SUPT3H: variants seen among roughly 807,000 people sequenced by gnomAD.
SUPT3H encodes the protein SPT3 homolog, SAGA and STAGA complex component.
Under a neutral mutation model 44.3 loss-of-function variants are expected in SUPT3H, and 44 were observed. That is an observed-to-expected ratio of 0.99 (90% CI 0.78 to 1.28). The LOEUF (loss-of-function observed/expected upper bound fraction) is 1.28. SUPT3H is among the 50% of genes most tolerant of loss of function. The pLI is 0.00. For synonymous variants in SUPT3H, 124 were observed against 125.6 expected (o/e 0.99, Z 0.09); for missense variants, 380 against 387.1 (o/e 0.98, Z 0.15).
chr6:45,158,298 A>ATATATATATATAT, intron 2 of SUPT3H, among the ~76,000 whole-genome samples: 24 of 99,682 alleles, frequency 2.4e-4, no homozygotes, highest in African/African-American at 1.2e-3. Flanking sequence ...ATATATATAT[A>ATATATATATATAT]TTTTTTTTTT....
chr6:45,158,298 A>ATATATATT, intron 2 of SUPT3H, among the ~76,000 whole-genome samples: 8 of 99,688 alleles, frequency 8.0e-5, no homozygotes, highest in African/African-American at 4.0e-4. Context: ...ATATATATAT[A>ATATATATT]TTTTTTTTTT....
chr6:45,101,441 A>G (rs1798559727), intron 3 of SUPT3H, among the ~76,000 whole-genome samples: 1 of 152,206 alleles, frequency 6.6e-6, no homozygotes. Flanking sequence ...CAACAACAAC[A>G]AAAAGTTGAT....
At chr6:45,331,565 A>G (rs1787519165) in intron 2 of SUPT3H, among the ~76,000 whole-genome samples, 1 of 152,004 alleles carries the variant, frequency 6.6e-6, no homozygotes, top group African/African-American at 2.4e-5. Flanking sequence ...AAAGCTAAAA[A>G]TGTCAAAGTA....
At chr6:45,356,696 C>T (rs747641451) in intron 2 of SUPT3H, among the ~76,000 whole-genome samples, 1 of 151,864 alleles carries the variant, frequency 6.6e-6, no homozygotes, top group African/African-American at 2.4e-5. Context: ...TGAGCCACCT[C>T]GCCTGGCCCA....
intron 11 of SUPT3H, among the ~76,000 whole-genome samples, chr6:44,815,187 TTC>T (rs1491049486): frequency 6.6e-6 from 1 of 152,178 alleles, no homozygotes; most frequent in Non-Finnish European, 1.5e-5. Context: ...TTTCTGAGTC[TTC>T]TGAGTTTTTT....
At chr6:45,122,967 A>G (rs1801887067) in intron 2 of SUPT3H, among the ~76,000 whole-genome samples, 1 of 152,200 alleles carries the variant, frequency 6.6e-6, no homozygotes, top group African/African-American at 2.4e-5. Context: ...TACAACAGGT[A>G]AATATTCTAA....
chr6:45,306,876 C>T (rs1783112657), intron 2 of SUPT3H, among the ~76,000 whole-genome samples: 2 of 152,200 alleles, frequency 1.3e-5, no homozygotes, highest in Non-Finnish European at 2.9e-5. Flanking sequence ...CAGGGAATTC[C>T]CTTTCATGGC....
intron 2 of SUPT3H, among the ~76,000 whole-genome samples, chr6:45,272,036 A>G (rs929370213): frequency 6.6e-6 from 1 of 152,154 alleles, no homozygotes; most frequent in Non-Finnish European, 1.5e-5. Flanking sequence ...GTATTTACCC[A>G]ATGATGTACT....
At chr6:45,375,887 T>C (rs1332918231) in intron 1 of SUPT3H, among the ~76,000 whole-genome samples, 3 of 152,094 alleles carry the variant, frequency 2.0e-5, no homozygotes, top group Admixed American at 6.5e-5. Context: ...ATCTATTACC[T>C]AATTTCACTT....
At chr6:44,995,202 A>T (rs1781115311) in intron 6 of SUPT3H, among the ~76,000 whole-genome samples, 1 of 152,042 alleles carries the variant, frequency 6.6e-6, no homozygotes, top group Non-Finnish European at 1.5e-5. Context: ...ATATCTATTG[A>T]TATTTATTTA....
intron 2 of SUPT3H, among the ~76,000 whole-genome samples, chr6:45,175,344 T>TA (rs1811557855): frequency 6.6e-6 from 1 of 152,042 alleles, no homozygotes; most frequent in Non-Finnish European, 1.5e-5. Flanking sequence ...GCAGGAAACT[T>TA]ACAGTCACGG....
At chr6:45,352,135 T>C (rs1267461146) in intron 2 of SUPT3H, among the ~76,000 whole-genome samples, 1 of 152,186 alleles carries the variant, frequency 6.6e-6, no homozygotes, top group Non-Finnish European at 1.5e-5. Context: ...GCAAAAGAAG[T>C]GTACTGAACT....
intron 6 of SUPT3H, 96 bp downstream of exon 6, chr6:45,003,557 T>G: frequency 7.1e-7 from 1 of 1,416,250 alleles, no homozygotes; most frequent in Non-Finnish European, 9.5e-7. Flanking sequence ...ACTTAGAGAT[T>G]TCAGACAACA....
chr6:45,212,287 G>A (rs576522921), intron 2 of SUPT3H, among the ~76,000 whole-genome samples: 5 of 152,122 alleles, frequency 3.3e-5, no homozygotes, highest in South Asian at 2.1e-4. Flanking sequence ...GTTCTTCCCC[G>A]AACTTTTAAT....
intron 3 of SUPT3H, among the ~76,000 whole-genome samples, chr6:45,070,622 T>A (rs962036477): frequency 1.3e-5 from 2 of 150,862 alleles, no homozygotes; most frequent in African/African-American, 4.9e-5. Flanking sequence ...GCGCCTGTAA[T>A]CCCAGCTACT....
intron 3 of SUPT3H, among the ~76,000 whole-genome samples, chr6:45,041,769 C>T (rs552342187): frequency 1.3e-5 from 2 of 152,110 alleles, no homozygotes; most frequent in East Asian, 1.9e-4. Flanking sequence ...TAAGTGTCTC[C>T]TACCAATAGG....
chr6:45,357,696 A>T (rs1793492515), intron 2 of SUPT3H, among the ~76,000 whole-genome samples: 2 of 152,152 alleles, frequency 1.3e-5, no homozygotes, highest in Admixed American at 1.3e-4. Context: ...TCTCACCATA[A>T]TAAAAATAAT....
chr6:45,199,549 G>C (rs1026709812), intron 2 of SUPT3H, among the ~76,000 whole-genome samples: 2 of 151,046 alleles, frequency 1.3e-5, no homozygotes, highest in Non-Finnish European at 3.0e-5. Context: ...TCATCCAAAA[G>C]ACTATTTTTC....
chr6:45,002,502 A>G (rs1782139104), intron 6 of SUPT3H, among the ~76,000 whole-genome samples: 1 of 152,188 alleles, frequency 6.6e-6, no homozygotes, highest in African/African-American at 2.4e-5. Context: ...AGCATAAACA[A>G]TATTTGCTCT....
Sources: gnomAD v4.1 joint callset for allele counts (sites outside exome capture counted in the v4.1 genomes callset) on GRCh38, gnomAD v4.1.1 for gene constraint, MANE v1.5 for transcripts, NCBI Gene and HGNC (gene_info 2026-07-23, HGNC 2026-07-21) for gene names.